CLDN16: variants seen among roughly 807,000 people sequenced by gnomAD.
CLDN16 encodes claudin 16.
In CLDN16, 13 loss-of-function variants were observed where a neutral mutation model predicts 24.6. The ratio of observed to expected loss-of-function variants is 0.53; its 90% CI spans 0.34 to 0.84. CLDN16 has a LOEUF of 0.84. Among genes scored for constraint, CLDN16 ranks in the 40% least tolerant of loss-of-function variants. The pLI is 0.01. For synonymous variants in CLDN16, 116 were observed against 106.7 expected (o/e 1.09, Z -0.54); for missense variants, 298 against 292.7 (o/e 1.02, Z -0.13).
chr3:190,399,293 C>T (rs1460040696), intron 1 of CLDN16, among the ~76,000 whole-genome samples: 1 of 152,082 alleles, frequency 6.6e-6, no homozygotes, highest in Non-Finnish European at 1.5e-5. Context: ...CACCTGAGGT[C>T]AGGAGTTCGA....
upstream of CLDN16, among the ~76,000 whole-genome samples, chr3:190,317,979 G>T (rs561041197): frequency 6.6e-6 from 1 of 152,302 alleles, no homozygotes; most frequent in Non-Finnish European, 1.5e-5. Context: ...AAAATATTGT[G>T]CTTCCTTCTC....
At chr3:190,392,059 C>CTTTTTT (rs35220103) in intron 1 of CLDN16, among the ~76,000 whole-genome samples, 3 of 126,078 alleles carry the variant, frequency 2.4e-5, no homozygotes, top group Non-Finnish European at 5.1e-5. Flanking sequence ...CCTTTTCAGT[C>CTTTTTT]TTTTTTTTTT....
At chr3:190,299,914 G>A in the CLDN16 span, among the ~76,000 whole-genome samples, 1 of 152,158 alleles carries the variant, frequency 6.6e-6, no homozygotes, top group African/African-American at 2.4e-5. Flanking sequence ...AGTGAGGGTA[G>A]AGTAACCTTC....
intron 1 of CLDN16, among the ~76,000 whole-genome samples, chr3:190,336,194 A>G (rs547334164): frequency 2.0e-5 from 3 of 152,344 alleles, no homozygotes; most frequent in South Asian, 2.1e-4. Context: ...GACTTTTCTC[A>G]CTTGCAGCTT....
At chr3:190,409,814 T>C (rs1275303666) in intron 4 of CLDN16, 89 bp from the exon 5 acceptor site, 2 of 1,234,904 alleles carry the variant, frequency 1.6e-6, no homozygotes, top group African/African-American at 1.5e-5. Flanking sequence ...TATATTCTTG[T>C]TCCTTTTGAG....
At chr3:190,403,098 C>A (rs1447636202) in intron 2 of CLDN16, among the ~76,000 whole-genome samples, 1 of 152,092 alleles carries the variant, frequency 6.6e-6, no homozygotes, top group Non-Finnish European at 1.5e-5. Context: ...GAGGCCAAGG[C>A]GGGTGGATCA....
chr3:190,380,960 A>G (rs6444427), intron 3 of CLDN16, among the ~76,000 whole-genome samples: 144,219 of 152,086 alleles, frequency 0.95, 68,425 homozygotes, highest in East Asian at 1. Context: ...ACAGCATGGA[A>G]GTTATTCAGA....
At position 190,329,449 on chromosome 3, in the gene CLDN16, C is replaced by T. The variant is rs192045380; in HGVS notation, n.121+6788C>T. The stretch of plus-strand genomic sequence containing the variant: ...CTCTTATTCCCTATCTCAGTTTTAG[C>T]CATTTCAGAGAGGAAGGAGAAGCTC... On this transcript the variant is annotated intron_variant and non_coding_transcript_variant, in intron 1 of 4. Coordinates refer to the CLDN16 transcript ENST00000468220. Among the ~76,000 whole-genome samples the T allele has an allele frequency of 8.5e-5, 13 of 152,174 alleles. No individual in the cohort carries two copies. The East Asian group carries it at 2.5e-3, about 29-fold the overall frequency.
At chr3:190,332,905 G>A (rs1717214412) in intron 1 of CLDN16, among the ~76,000 whole-genome samples, 3 of 152,034 alleles carry the variant, frequency 2.0e-5, no homozygotes, top group Non-Finnish European at 4.4e-5. Flanking sequence ...TGAGATTGAA[G>A]GAGGAATACG....
chr3:190,404,615 A>G (rs1719042697), intron 2 of CLDN16, 147 bp from the exon 3 acceptor site: 1 of 752,788 alleles, frequency 1.3e-6, no homozygotes, highest in East Asian at 2.6e-5. Context: ...CATTAGGGGT[A>G]CTTATGTTCA....
chr3:190,357,816 G>A (rs961504304), intron 1 of CLDN16, among the ~76,000 whole-genome samples: 2 of 151,958 alleles, frequency 1.3e-5, no homozygotes, highest in African/African-American at 4.8e-5. Context: ...CTTTGGGTCT[G>A]TATCGGTTAC....
intron 1 of CLDN16, among the ~76,000 whole-genome samples, chr3:190,348,105 A>AAAAAAT (rs1717591924): frequency 1.4e-5 from 2 of 146,288 alleles, no homozygotes; most frequent in Non-Finnish European, 3.0e-5. Flanking sequence ...AAAAAAAAAA[A>AAAAAAT]ATTAGCTGGC....
At chr3:190,401,894 TAAAG>T (rs1718971925) in intron 1 of CLDN16, among the ~76,000 whole-genome samples, 1 of 152,150 alleles carries the variant, frequency 6.6e-6, no homozygotes, top group East Asian at 1.9e-4. Flanking sequence ...GTATTCGTGA[TAAAG>T]AAACAATATA....
intron 1 of CLDN16, among the ~76,000 whole-genome samples, chr3:190,399,988 A>G (rs1718922314): frequency 6.6e-6 from 1 of 152,142 alleles, no homozygotes; most frequent in Admixed American, 6.5e-5. Context: ...CTAATGCCTG[A>G]TGATCTGAGC....
the CLDN16 span, chr3:190,306,346 C>T: frequency 1.3e-5 from 2 of 152,350 alleles, no homozygotes; most frequent in African/African-American, 4.8e-5. Context: ...TTCACTGTCT[C>T]ATCACTTGAG....
At chr3:190,330,674 C>T (rs1417506840) in intron 1 of CLDN16, among the ~76,000 whole-genome samples, 9 of 151,982 alleles carry the variant, frequency 5.9e-5, no homozygotes, top group African/African-American at 1.9e-4. Context: ...ATGTGAGAAT[C>T]GGAACAAGTA....
intron 1 of CLDN16, among the ~76,000 whole-genome samples, chr3:190,392,013 T>C (rs1424664132): frequency 6.6e-6 from 1 of 152,154 alleles, no homozygotes; most frequent in Non-Finnish European, 1.5e-5. Context: ...GCTCAGTTTT[T>C]TCAATTGTAT....
Position 190,408,374 on chromosome 3 carries a change from C to T in CLDN16, c.443C>T (p.Thr148Ile). The T allele has an allele frequency of 1.2e-6, 2 of 1,614,098 alleles. No individual in the cohort carries two copies. The highest frequency in any genetic ancestry group is 1.7e-6 in the Non-Finnish European group (2 of 1,180,018). Residue 148 changes from threonine (T) to isoleucine (I), a missense_variant, in exon 4 of 5, where the codon ACT becomes ATT. Transcript: ENST00000264734. ...GTTGATGTGTATGTGGAACGTTCTA[C>T]TTTGGTTTTGCACAATATATTTCTT... ...YAVDVYVERS[T>I]LVLHNIFLGI...
At chr3:190,335,263 C>T (rs111551150) in intron 1 of CLDN16, among the ~76,000 whole-genome samples, 7,200 of 151,786 alleles carry the variant, frequency 0.047, 229 homozygotes, top group Admixed American at 0.059. Flanking sequence ...AGGCTGGTCT[C>T]GAACTCTTGA....
Sources: allele counts gnomAD v4.1 joint callset (sites outside exome capture counted in the v4.1 genomes callset), GRCh38; gene constraint gnomAD v4.1.1; transcripts MANE v1.5; gene names NCBI Gene and HGNC (gene_info 2026-07-23, HGNC 2026-07-21).